ZNF521: variants seen among roughly 807,000 people sequenced by gnomAD.
ZNF521 encodes the protein zinc finger protein 521.
ZNF521 carries 14 observed loss-of-function variants against 105.5 expected under a neutral mutation model. The observed-to-expected ratio is 0.13, with a 90% CI of 0.09 to 0.21. ZNF521 has a LOEUF of 0.21. Among genes scored for constraint, ZNF521 ranks in the 10% least tolerant of loss-of-function variants. The pLI is 1.00. For missense variants in ZNF521, 1,233 were observed against 1,629.7 expected, an observed-to-expected ratio of 0.76 and a Z score of 4.19; for synonymous variants, 635 against 606.0, an observed-to-expected ratio of 1.05 and a Z score of -0.70.
intron 3 of ZNF521, among the ~76,000 whole-genome samples, chr18:25,305,114 A>G (rs1477893677): frequency 6.6e-6 from 1 of 152,216 alleles, no homozygotes; most frequent in Non-Finnish European, 1.5e-5. Context: ...CCTAGAAAGC[A>G]AAAGTACAAA....
intron 5 of ZNF521, among the ~76,000 whole-genome samples, chr18:25,102,415 A>C (rs1196230714): frequency 6.6e-6 from 1 of 152,022 alleles, no homozygotes; most frequent in Admixed American, 6.6e-5. Context: ...AACATGGTAC[A>C]TTTGGCTGAA....
intron 5 of ZNF521, among the ~76,000 whole-genome samples, chr18:25,175,722 C>A (rs1164354850): frequency 3.3e-5 from 5 of 152,286 alleles, no homozygotes; most frequent in Admixed American, 1.3e-4. Context: ...CCCTCCCTAC[C>A]AATTGAGCAT....
intron 5 of ZNF521, among the ~76,000 whole-genome samples, chr18:25,092,301 T>C (rs1353727832): frequency 6.6e-6 from 1 of 152,240 alleles, no homozygotes; most frequent in African/African-American, 2.4e-5. Context: ...AGTCAGATTT[T>C]ATCTTAAGGC....
intron 3 of ZNF521, among the ~76,000 whole-genome samples, chr18:25,275,988 G>A (rs1260216716): frequency 6.6e-6 from 1 of 152,282 alleles, no homozygotes; most frequent in African/African-American, 2.4e-5. Context: ...TCGGCCACCG[G>A]CACCATGTGC....
At chr18:25,310,643 CCAAT>C (rs1242026000) in intron 3 of ZNF521, among the ~76,000 whole-genome samples, 6 of 151,910 alleles carry the variant, frequency 3.9e-5, no homozygotes, top group Admixed American at 6.6e-5. Flanking sequence ...ATATATACGC[CCAAT>C]CAGTTATGAT....
intron 5 of ZNF521, among the ~76,000 whole-genome samples, chr18:25,110,544 G>A (rs921691765): frequency 2.0e-5 from 3 of 152,086 alleles, no homozygotes; most frequent in African/African-American, 7.2e-5. Context: ...CCATGAACGA[G>A]GTAGAAGCAC....
chr18:25,174,826 T>G (rs2035508949), intron 5 of ZNF521, among the ~76,000 whole-genome samples: 1 of 152,186 alleles, frequency 6.6e-6, no homozygotes, highest in African/African-American at 2.4e-5. Flanking sequence ...GCAGCCCCAT[T>G]ACATCTTAAT....
chr18:25,305,734 T>G (rs1429340653), intron 3 of ZNF521, among the ~76,000 whole-genome samples: 4 of 152,200 alleles, frequency 2.6e-5, no homozygotes, highest in African/African-American at 9.6e-5. Flanking sequence ...AAATAATAAC[T>G]CATACTAATT....
In ZNF521 at chr18:25,103,765, A is replaced by G. The variant is rs999360449; in HGVS notation, c.3659-11684T>C. On this transcript the variant is annotated intron_variant, in intron 5 of 7. Coordinates refer to ENST00000361524, the MANE Select transcript of ZNF521 (RefSeq NM_015461.3). ...GATGGGAAGAGAGAAGGAGTAAGGG[A>G]GGGAAGAAAGAAGGGTGAGAGGAAG... 2.4e-5 allele frequency among the ~76,000 whole-genome samples: 3 copies of G among 123,668 alleles called. No individual in the cohort carries two copies. In the Admixed American group the frequency reaches 2.7e-4, roughly 11 times the overall value. 81.1% of individuals were successfully genotyped at this position (123,668 alleles called of 152,430 possible). A position where few individuals can be genotyped will look rare whatever the true frequency, so the allele number is the denominator to read the frequency against.
intron 5 of ZNF521, among the ~76,000 whole-genome samples, chr18:25,183,322 C>T (rs1259980920): frequency 2.6e-5 from 4 of 152,092 alleles, no homozygotes; most frequent in African/African-American, 9.7e-5. Context: ...AAAATAATCA[C>T]AATTCAGGTC....
At chr18:25,335,401 T>C (rs1913816812) in intron 2 of ZNF521, among the ~76,000 whole-genome samples, 1 of 152,124 alleles carries the variant, frequency 6.6e-6, no homozygotes, top group Non-Finnish European at 1.5e-5. Context: ...ATCTGTATCC[T>C]CTCCTGTCCT....
At chr18:25,082,039 G>A (rs913734283) in intron 7 of ZNF521, among the ~76,000 whole-genome samples, 5 of 152,114 alleles carry the variant, frequency 3.3e-5, no homozygotes, top group African/African-American at 1.2e-4. Flanking sequence ...CAATGCAAAT[G>A]ATTCGGTTCC....
intron 4 of ZNF521, among the ~76,000 whole-genome samples, chr18:25,222,784 A>G (rs1014420501): frequency 6.6e-5 from 10 of 152,238 alleles, no homozygotes; most frequent in African/African-American, 2.4e-4. Context: ...AACCTCTTAC[A>G]GACGATATTA....
At chr18:25,079,862 A>G (rs1054031293) in intron 7 of ZNF521, among the ~76,000 whole-genome samples, 2 of 152,218 alleles carry the variant, frequency 1.3e-5, no homozygotes, top group Non-Finnish European at 2.9e-5. Context: ...AACTCAAAGC[A>G]CAGCAAAGCA....
intron 5 of ZNF521, among the ~76,000 whole-genome samples, chr18:25,143,870 C>G (rs969989315): frequency 1.3e-5 from 2 of 152,096 alleles, no homozygotes; most frequent in African/African-American, 2.4e-5. Context: ...TACCAATAAG[C>G]TAGTAAATAT....
In ZNF521 at chr18:25,322,050, T is replaced by C. The variant is rs1912958444; in HGVS notation, c.178A>G (p.Ser60Gly). Residue 60 changes from serine (S) to glycine (G), a missense_variant, in exon 3 of 8, where the codon AGC (serine) becomes GGC (glycine). Around this residue, in one of 6 missense-constraint regions of ZNF521, gnomAD observed 76 missense variants for 79.3 expected, o/e 0.96. Coordinates refer to ENST00000361524, the MANE Select transcript of ZNF521 (RefSeq NM_015461.3). ...DSCLQVFESL[S>G]DITEHKINQC... ...TTAATCTTGTGTTCTGTGATATCGC[T>C]CAGCGATTCAAACACCTGGAGGCAG... 5 of 1,614,076 alleles carry C rather than the reference T, an allele frequency of 3.1e-6. No homozygotes were observed. Among genetic ancestry groups the C allele is most frequent in the Non-Finnish European group, 4.2e-6 (5 of 1,180,040 alleles).
intron 3 of ZNF521, among the ~76,000 whole-genome samples, chr18:25,233,662 GTTTT>G (rs373253299): frequency 1.7e-5 from 2 of 114,426 alleles, no homozygotes; most frequent in Admixed American, 9.0e-5. Flanking sequence ...AAGCTCAGAG[GTTTT>G]TTTTTTTTTT....
At chr18:25,323,400 T>C (rs1600306927) in intron 2 of ZNF521, among the ~76,000 whole-genome samples, 1 of 152,160 alleles carries the variant, frequency 6.6e-6, no homozygotes, top group African/African-American at 2.4e-5. Flanking sequence ...CTACAATAAA[T>C]ATGATAATTT....
intron 5 of ZNF521, among the ~76,000 whole-genome samples, chr18:25,165,597 T>C (rs2035325620): frequency 6.6e-6 from 1 of 152,190 alleles, no homozygotes; most frequent in African/African-American, 2.4e-5. Context: ...AACATCACAA[T>C]GAGAGTTCTC....
Sources: allele counts gnomAD v4.1 joint callset (sites outside exome capture counted in the v4.1 genomes callset), GRCh38; gene constraint gnomAD v4.1.1; regional missense constraint gnomAD v4.1.1; transcripts MANE v1.5; gene names NCBI Gene and HGNC (gene_info 2026-07-23, HGNC 2026-07-21).